PAK5: variants seen among roughly 807,000 people sequenced by gnomAD.
PAK5 encodes serine/threonine-protein kinase PAK 5.
A neutral mutation model predicts 65.9 loss-of-function variants in PAK5; 16 were observed. The observed-to-expected ratio is 0.24, with a 90% CI of 0.16 to 0.37. The LOEUF (loss-of-function observed/expected upper bound fraction) is 0.37. Among genes scored for constraint, PAK5 ranks in the 10% least tolerant of loss-of-function variants. The pLI, the probability that PAK5 is intolerant of heterozygous loss-of-function variation, is 1.00. For synonymous variants in PAK5, 371 were observed against 354.9 expected (o/e 1.05, Z -0.51); for missense variants, 785 against 903.9 (o/e 0.87, Z 1.69).
At chr20:9,697,803 T>C (rs1027248857) in intron 2 of PAK5, among the ~76,000 whole-genome samples, 11 of 152,218 alleles carry the variant, frequency 7.2e-5, no homozygotes, top group Admixed American at 6.5e-4. Context: ...CCAAGAACAG[T>C]CTTAGTTGAC....
intron 1 of PAK5, among the ~76,000 whole-genome samples, chr20:9,782,936 T>C (rs1196796967): frequency 6.7e-6 from 1 of 149,962 alleles, no homozygotes; most frequent in Non-Finnish European, 1.5e-5. Context: ...TTTTTTTTTT[T>C]CTTTTTTTTT....
At chr20:9,626,421 A>G (rs1406490737) in intron 3 of PAK5, among the ~76,000 whole-genome samples, 1 of 152,254 alleles carries the variant, frequency 6.6e-6, no homozygotes, top group Non-Finnish European at 1.5e-5. Context: ...AACGATATTT[A>G]ACTTGTGAGA....
chr20:9,711,971 T>G (rs2048082598), intron 1 of PAK5, among the ~76,000 whole-genome samples: 1 of 152,236 alleles, frequency 6.6e-6, no homozygotes, highest in South Asian at 2.1e-4. Flanking sequence ...TTGTTTTATG[T>G]GTGTCACTGT....
At chr20:9,724,120 A>G (rs969733729) in intron 1 of PAK5, among the ~76,000 whole-genome samples, 1 of 152,196 alleles carries the variant, frequency 6.6e-6, no homozygotes, top group Non-Finnish European at 1.5e-5. Context: ...TGACTAAACC[A>G]CAAAATCGAG....
At chr20:9,742,325 A>G (rs1328573908) in intron 1 of PAK5, among the ~76,000 whole-genome samples, 2 of 152,226 alleles carry the variant, frequency 1.3e-5, no homozygotes, top group African/African-American at 4.8e-5. Context: ...GTCTCCATAC[A>G]AAGGTTAACT....
intron 1 of PAK5, among the ~76,000 whole-genome samples, chr20:9,775,956 T>C (rs952935664): frequency 1.3e-5 from 2 of 152,240 alleles, no homozygotes; most frequent in African/African-American, 4.8e-5. Context: ...GAACATATGA[T>C]TAATTCATTA....
intron 2 of PAK5, among the ~76,000 whole-genome samples, chr20:9,677,951 C>T (rs1203220353): frequency 3.3e-5 from 5 of 152,160 alleles, no homozygotes; most frequent in Admixed American, 3.3e-4. Flanking sequence ...ATTTTTTCAA[C>T]TTTCTGAAAA....
intron 2 of PAK5, among the ~76,000 whole-genome samples, chr20:9,707,208 T>A (rs934771989): frequency 1.3e-5 from 2 of 151,622 alleles, no homozygotes; most frequent in South Asian, 4.2e-4. Context: ...CACAGCCTAT[T>A]TCCCAGGCTC....
chr20:9,559,837 C>A (rs557817258), intron 6 of PAK5, among the ~76,000 whole-genome samples: 45 of 151,970 alleles, frequency 3.0e-4, no homozygotes, highest in African/African-American at 1.1e-3. Context: ...AATGTTTTTG[C>A]CTGAAACAGA....
In PAK5 at chr20:9,713,180, A is replaced by G. The variant is rs550208885; in HGVS notation, c.-161-1745T>C. Among the ~76,000 whole-genome samples the G allele has an allele frequency of 9.1e-4, 138 of 152,138 alleles. 6 individuals carry two copies. In the South Asian group the frequency reaches 0.026, roughly 29 times the overall value. The stretch of plus-strand genomic sequence containing the variant: ...TCAAACAACTCAATAGCAAATAATA[A>G]TCCAATTAAAAATGGACAAAAGACC... On this transcript the variant is annotated intron_variant, in intron 1 of 9. Transcript: ENST00000353224.
intron 3 of PAK5, among the ~76,000 whole-genome samples, chr20:9,631,109 T>C (rs1042984574): frequency 3.9e-5 from 6 of 152,168 alleles, no homozygotes; most frequent in Admixed American, 3.3e-4. Flanking sequence ...TTTGGGATCT[T>C]GGGCTGGGAT....
intron 1 of PAK5, among the ~76,000 whole-genome samples, chr20:9,737,050 A>G (rs983144490): frequency 2.0e-5 from 3 of 152,176 alleles, no homozygotes; most frequent in Non-Finnish European, 4.4e-5. Flanking sequence ...ATGTCCAACA[A>G]AAATATATTA....
intron 3 of PAK5, among the ~76,000 whole-genome samples, chr20:9,603,988 TA>T (rs1010551998): frequency 6.6e-6 from 1 of 152,162 alleles, no homozygotes; most frequent in East Asian, 1.9e-4. Context: ...TTTAATCCGC[TA>T]AAAAATCCTA....
intron 1 of PAK5, among the ~76,000 whole-genome samples, chr20:9,743,849 C>T (rs373263441): frequency 1.3e-5 from 2 of 152,302 alleles, no homozygotes; most frequent in African/African-American, 4.8e-5. Context: ...ATAAGTTTTA[C>T]CTTACATGGC....
intron 1 of PAK5, among the ~76,000 whole-genome samples, chr20:9,739,819 G>C (rs867459296): frequency 6.6e-6 from 1 of 152,112 alleles, no homozygotes; most frequent in Non-Finnish European, 1.5e-5. Flanking sequence ...CAAGATAGAA[G>C]CATATCTTCT....
chr20:9,709,184 G>A (rs2048046997), intron 2 of PAK5, among the ~76,000 whole-genome samples: 1 of 152,168 alleles, frequency 6.6e-6, no homozygotes, highest in Non-Finnish European at 1.5e-5. Context: ...TCCAGTGGAT[G>A]ACAAGACTAA....
chr20:9,703,107 T>C (rs1809199782), intron 2 of PAK5, among the ~76,000 whole-genome samples: 1 of 152,178 alleles, frequency 6.6e-6, no homozygotes, highest in Non-Finnish European at 1.5e-5. Flanking sequence ...CGTCAGACCC[T>C]TTATTGAGAC....
chr20:9,736,644 T>C (rs1044212070), intron 1 of PAK5, among the ~76,000 whole-genome samples: 4 of 152,130 alleles, frequency 2.6e-5, no homozygotes, highest in Non-Finnish European at 5.9e-5. Context: ...TCACAGAGGA[T>C]TGGTTGAAAG....
At chr20:9,543,446 G>A (rs994473191) in intron 8 of PAK5, among the ~76,000 whole-genome samples, 2 of 151,968 alleles carry the variant, frequency 1.3e-5, no homozygotes, top group Non-Finnish European at 2.9e-5. Context: ...TCTGATGAAC[G>A]TATTGCTATT....
Sources: allele counts gnomAD v4.1 joint callset (sites outside exome capture counted in the v4.1 genomes callset), GRCh38; gene constraint gnomAD v4.1.1; transcripts MANE v1.5; gene names NCBI Gene and HGNC (gene_info 2026-07-23, HGNC 2026-07-21).